Variants in CHST11 observed in about 807,000 individuals in gnomAD.
CHST11 encodes carbohydrate sulfotransferase 11.
Under a neutral mutation model 30.4 loss-of-function variants are expected in CHST11, and 9 were observed. The observed-to-expected ratio is 0.30, with a 90% CI of 0.18 to 0.52. The LOEUF is 0.52. Among genes scored for constraint, CHST11 ranks in the 20% least tolerant of loss-of-function variants. The probability of loss-of-function intolerance (pLI) is 0.97; values close to 1 mark genes in which losing one functional copy is unlikely to be tolerated. For synonymous variants in CHST11, 152 were observed against 187.8 expected (o/e 0.81, Z 1.56); for missense variants, 348 against 460.6 (o/e 0.76, Z 2.24).
At chr12:104,573,707 AT>A (rs2038653152) in intron 1 of CHST11, among the ~76,000 whole-genome samples, 1 of 152,244 alleles carries the variant, frequency 6.6e-6, no homozygotes. Context: ...ACAAAAATTA[AT>A]TCAAGATGGA....
chr12:104,523,234 G>T (rs557656060), intron 1 of CHST11, among the ~76,000 whole-genome samples: 2 of 152,172 alleles, frequency 1.3e-5, no homozygotes, highest in African/African-American at 4.8e-5. Context: ...AGATGTGTGG[G>T]TGGGGTTTCT....
intron 1 of CHST11, among the ~76,000 whole-genome samples, chr12:104,461,186 G>A (rs548761238): frequency 2.8e-4 from 43 of 152,146 alleles, no homozygotes; most frequent in Non-Finnish European, 5.3e-4. Context: ...AGCTTTCACC[G>A]TGACCTAAAT....
intron 2 of CHST11, among the ~76,000 whole-genome samples, chr12:104,751,073 C>G (rs1471257012): frequency 1.3e-5 from 2 of 152,078 alleles, no homozygotes; most frequent in African/African-American, 2.4e-5. Flanking sequence ...ACCTCAAATA[C>G]CAGGTTTAAA....
chr12:104,693,975 A>G (rs1287916208), intron 2 of CHST11, among the ~76,000 whole-genome samples: 1 of 152,244 alleles, frequency 6.6e-6, no homozygotes, highest in East Asian at 1.9e-4. Flanking sequence ...AGGATATTAC[A>G]TAGGAACTTG....
chr12:104,606,504 C>T (rs1234590577), intron 2 of CHST11, among the ~76,000 whole-genome samples: 1 of 152,100 alleles, frequency 6.6e-6, no homozygotes, highest in East Asian at 1.9e-4. Flanking sequence ...TCCAGTAACC[C>T]CGTTTTTTAG....
intron 2 of CHST11, among the ~76,000 whole-genome samples, chr12:104,734,001 C>T (rs754687876): frequency 3.3e-5 from 5 of 152,226 alleles, no homozygotes; most frequent in African/African-American, 4.8e-5. Flanking sequence ...GCTTATGCCT[C>T]CTCCCCGCCA....
chr12:104,701,792 G>A (rs2039992399), intron 2 of CHST11, among the ~76,000 whole-genome samples: 1 of 152,210 alleles, frequency 6.6e-6, no homozygotes, highest in Non-Finnish European at 1.5e-5. Flanking sequence ...CGGTCTGTGT[G>A]TTCAATTCAG....
Position 104,757,652 on chromosome 12 carries a change from C to T in CHST11, c.908C>T (p.Thr303Ile), listed in dbSNP as rs1378459312. The change falls in exon 3 of 3, where the codon ACC becomes ATC. Residue 303 changes from threonine to isoleucine, a missense_variant. Around this residue, in one of 3 missense-constraint regions of CHST11, gnomAD observed 210 missense variants for 287.2 expected, o/e 0.73. Coordinates refer to ENST00000303694, the MANE Select transcript of CHST11 (RefSeq NM_018413.6). The surrounding 1 kb of genome is among the most constrained non-coding windows in gnomAD (Gnocchi z 6.5). Reference protein sequence around the residue: ...AGVGSYLKFPTYAKSTRTTDE... With the variant: ...AGVGSYLKFPIYAKSTRTTDE... ...GTGGGCAGCTACCTGAAGTTCCCCA[C>T]CTATGCAAAGTCTACGAGAACTACT... is the stretch of plus-strand genomic sequence containing the variant. 3.7e-6 allele frequency: 6 copies of T among 1,614,018 alleles called. No homozygotes were observed. The highest frequency in any genetic ancestry group is 5.1e-6 in the Non-Finnish European group (6 of 1,180,036).
intron 2 of CHST11, among the ~76,000 whole-genome samples, chr12:104,745,608 T>A (rs1050137453): frequency 4.6e-5 from 7 of 152,234 alleles, no homozygotes; most frequent in Admixed American, 3.9e-4. Context: ...TCATCTCTGA[T>A]TTTTTTGTGC....
chr12:104,547,660 A>T (rs2038364220), intron 1 of CHST11, among the ~76,000 whole-genome samples: 1 of 152,130 alleles, frequency 6.6e-6, no homozygotes, highest in South Asian at 2.1e-4. Context: ...TGTATCTGAC[A>T]CCAGCACACT....
chr12:104,616,063 T>TA (rs1367065227), intron 2 of CHST11, among the ~76,000 whole-genome samples: 1 of 152,222 alleles, frequency 6.6e-6, no homozygotes, highest in Non-Finnish European at 1.5e-5. Flanking sequence ...TTGCTGTTGT[T>TA]ATTGTTACTC....
intron 1 of CHST11, among the ~76,000 whole-genome samples, chr12:104,481,395 A>C (rs1277269313): frequency 2.0e-5 from 3 of 152,032 alleles, no homozygotes; most frequent in Non-Finnish European, 4.4e-5. Flanking sequence ...TGGCCTTCCC[A>C]GTTGGGTGCG....
intron 1 of CHST11, among the ~76,000 whole-genome samples, chr12:104,512,277 C>T (rs1300594492): frequency 2.0e-5 from 3 of 152,156 alleles, no homozygotes; most frequent in South Asian, 2.1e-4. Context: ...TAATTAGTAG[C>T]GCTCTACAGG....
At chr12:104,747,893 G>A (rs1202712238) in intron 2 of CHST11, among the ~76,000 whole-genome samples, 1 of 152,166 alleles carries the variant, frequency 6.6e-6, no homozygotes, top group Non-Finnish European at 1.5e-5. Context: ...CTGCAGTAAT[G>A]TTTTAATTTA....
chr12:104,499,990 T>C (rs532665446), intron 1 of CHST11, among the ~76,000 whole-genome samples: 9 of 152,362 alleles, frequency 5.9e-5, no homozygotes, highest in Non-Finnish European at 5.9e-5. Context: ...TGTGGACTTT[T>C]AATCTGGCAC....
chr12:104,717,748 G>C (rs2040142523), intron 2 of CHST11, among the ~76,000 whole-genome samples: 1 of 152,022 alleles, frequency 6.6e-6, no homozygotes. Flanking sequence ...TCCAGCCTGG[G>C]TGACAGAGTG....
intron 1 of CHST11, among the ~76,000 whole-genome samples, chr12:104,517,454 C>A (rs1344565638): frequency 6.6e-6 from 1 of 152,048 alleles, no homozygotes; most frequent in Non-Finnish European, 1.5e-5. Context: ...CTTCCAGACC[C>A]CTGTTTGCAA....
chr12:104,741,934 A>T (rs1379127925), intron 2 of CHST11, among the ~76,000 whole-genome samples: 1 of 152,166 alleles, frequency 6.6e-6, no homozygotes, highest in African/African-American at 2.4e-5. Context: ...TCCCGCTGTG[A>T]TTCTTACATA....
intron 1 of CHST11, among the ~76,000 whole-genome samples, chr12:104,512,424 C>A (rs2037974241): frequency 6.6e-6 from 1 of 152,120 alleles, no homozygotes; most frequent in East Asian, 1.9e-4. Context: ...AGGAACTGTT[C>A]AGTTAAATAG....
Sources: allele counts gnomAD v4.1 joint callset (sites outside exome capture counted in the v4.1 genomes callset), GRCh38; gene constraint gnomAD v4.1.1; regional missense constraint gnomAD v4.1.1; non-coding constraint Gnocchi (gnomAD v3.1); transcripts MANE v1.5; gene names NCBI Gene and HGNC (gene_info 2026-07-23, HGNC 2026-07-21).